The following GARIN1B variants were observed in gnomAD, a reference collection of about 807,000 sequenced individuals.
GARIN1B encodes golgi associated RAB2 interactor 1B, also known as Golgi-associated RAB2 interactor protein 1B.
the GARIN1B span, chr7:128,714,081 G>A: frequency 6.5e-7 from 1 of 1,535,976 alleles, no homozygotes; most frequent in African/African-American, 1.4e-5. Context: ...ACAGGTGCTG[G>A]AGCAGGGGTG....
At chr7:128,714,529 G>C in the GARIN1B span, among the ~76,000 whole-genome samples, 1 of 151,560 alleles carries the variant, frequency 6.6e-6, no homozygotes, top group Non-Finnish European at 1.5e-5. Context: ...GGTGAGCCGA[G>C]ATCGCGCACA....
the GARIN1B span, among the ~76,000 whole-genome samples, chr7:128,710,847 G>A: frequency 1.3e-5 from 2 of 152,022 alleles, no homozygotes; most frequent in South Asian, 2.1e-4. Context: ...GAGAAGAGAC[G>A]GGGTTTCTCC....
At chr7:128,709,750 CTTTTTT>C in the GARIN1B span, among the ~76,000 whole-genome samples, 5 of 114,618 alleles carry the variant, frequency 4.4e-5, no homozygotes, top group Non-Finnish European at 8.9e-5. Context: ...CTCTCTCTCT[CTTTTTT>C]TTTTTTTTTT....
chr7:128,712,888 A>G, the GARIN1B span, among the ~76,000 whole-genome samples: 1 of 152,230 alleles, frequency 6.6e-6, no homozygotes, highest in South Asian at 2.1e-4. Context: ...TTGGTAAATA[A>G]TTTTACATCT....
the GARIN1B span, chr7:128,731,303 A>C: frequency 1.5e-6 from 1 of 653,808 alleles, no homozygotes; most frequent in East Asian, 2.7e-5. Context: ...GCACCTCGGC[A>C]TATGCCACCT....
chr7:128,725,798 A>C, the GARIN1B span, among the ~76,000 whole-genome samples: 5 of 151,416 alleles, frequency 3.3e-5, no homozygotes, highest in Non-Finnish European at 7.4e-5. Context: ...TTTTGCATAG[A>C]CATGTACACA....
chr7:128,727,261 G>T, the GARIN1B span, among the ~76,000 whole-genome samples: 3 of 152,152 alleles, frequency 2.0e-5, no homozygotes, highest in Non-Finnish European at 2.9e-5. Flanking sequence ...CCATGTTCCC[G>T]CAAGAAGTTT....
chr7:128,723,597 C>T, the GARIN1B span, among the ~76,000 whole-genome samples: 3 of 149,154 alleles, frequency 2.0e-5, no homozygotes, highest in South Asian at 2.1e-4. Context: ...CTCACTCCGT[C>T]GCCCAGGGTT....
chr7:128,711,869 C>T, the GARIN1B span, among the ~76,000 whole-genome samples: 4 of 152,200 alleles, frequency 2.6e-5, no homozygotes, highest in African/African-American at 9.6e-5. Context: ...GGTGAAACCC[C>T]GTCTCTACTA....
chr7:128,716,736 A>G, the GARIN1B span: 2 of 1,235,142 alleles, frequency 1.6e-6, no homozygotes, highest in East Asian at 4.9e-5. Context: ...AATAGTGTCG[A>G]GGTTGAGAAA....
chr7:128,730,256 C>A, the GARIN1B span, among the ~76,000 whole-genome samples: 1 of 152,162 alleles, frequency 6.6e-6, no homozygotes, highest in Admixed American at 6.5e-5. Context: ...ATGTGTGGCA[C>A]CTCCAGGGCC....
At chr7:128,715,776 T>A in the GARIN1B span, 2 of 1,195,668 alleles carry the variant, frequency 1.7e-6, no homozygotes, top group Non-Finnish European at 2.4e-6. Context: ...TCCCTGAAAC[T>A]GGGGCAGAGT....
chr7:128,712,193 A>G, the GARIN1B span, among the ~76,000 whole-genome samples: 2 of 152,264 alleles, frequency 1.3e-5, no homozygotes, highest in Non-Finnish European at 1.5e-5. Context: ...TTAAAGCTTC[A>G]GGGCCTCTAA....
the GARIN1B span, chr7:128,723,334 C>T: frequency 6.2e-7 from 1 of 1,608,226 alleles, no homozygotes; most frequent in Non-Finnish European, 8.5e-7. Flanking sequence ...TGACTTAAAT[C>T]AAGCCAGCCT....
At chr7:128,726,171 A>G in the GARIN1B span, among the ~76,000 whole-genome samples, 2 of 152,242 alleles carry the variant, frequency 1.3e-5, no homozygotes, top group Non-Finnish European at 2.9e-5. Context: ...CCTTAGCAGC[A>G]TTTTAAACAG....
At chr7:128,719,174 A>G in the GARIN1B span, 1 of 1,388,138 alleles carries the variant, frequency 7.2e-7, no homozygotes, top group African/African-American at 1.4e-5. Context: ...TATGAAGGTG[A>G]TCTCAGTGTG....
At chr7:128,718,447 A>AAAAG in the GARIN1B span, among the ~76,000 whole-genome samples, 5 of 151,348 alleles carry the variant, frequency 3.3e-5, no homozygotes, top group Admixed American at 6.6e-5. Flanking sequence ...AAAAAAAAAA[A>AAAAG]AAAGAAAGAA....
the GARIN1B span, chr7:128,726,948 C>A: frequency 7.4e-7 from 1 of 1,349,462 alleles, no homozygotes; most frequent in South Asian, 1.2e-5. Context: ...CTCCAGCCCC[C>A]ATCCTGGTTG....
the GARIN1B span, among the ~76,000 whole-genome samples, chr7:128,710,380 A>G: frequency 1.2e-4 from 18 of 152,156 alleles, no homozygotes; most frequent in Non-Finnish European, 2.9e-5. Flanking sequence ...TGTTTCAGAA[A>G]TGGCTGTTTC....
Sources: gnomAD v4.1 joint callset for allele counts (sites outside exome capture counted in the v4.1 genomes callset) on GRCh38, gnomAD v4.1.1 for gene constraint, MANE v1.5 for transcripts, NCBI Gene and HGNC (gene_info 2026-07-23, HGNC 2026-07-21) for gene names.